SKAP1: variants seen among roughly 807,000 people sequenced by gnomAD.
The protein encoded by SKAP1 is src kinase-associated phosphoprotein 1.
Under a neutral mutation model 58.5 loss-of-function variants are expected in SKAP1, and 44 were observed. That is an observed-to-expected ratio of 0.75 (90% CI 0.59 to 0.97). The LOEUF (loss-of-function observed/expected upper bound fraction) is 0.97, where lower values mean the gene tolerates loss of function less well. SKAP1 is among the 50% of genes least tolerant of loss of function. The pLI is 0.00. For missense variants in SKAP1, 390 were observed against 435.2 expected (o/e 0.90, Z 0.92); for synonymous variants, 127 against 149.7 (o/e 0.85, Z 1.11).
chr17:48,178,167 G>A (rs1438994559), intron 9 of SKAP1, among the ~76,000 whole-genome samples: 1 of 152,130 alleles, frequency 6.6e-6, no homozygotes, highest in Non-Finnish European at 1.5e-5. Context: ...CTGGGGTAAG[G>A]TGACAGTCCC....
chr17:48,138,236 G>C (rs558064978), intron 11 of SKAP1, among the ~76,000 whole-genome samples: 1 of 151,070 alleles, frequency 6.6e-6, no homozygotes, highest in East Asian at 1.9e-4. Flanking sequence ...ACGGAGTCTC[G>C]CACTGTCGCC....
chr17:48,142,083 T>C (rs1483800636), intron 11 of SKAP1, among the ~76,000 whole-genome samples: 3 of 152,252 alleles, frequency 2.0e-5, no homozygotes, highest in African/African-American at 7.2e-5. Flanking sequence ...TGGAAAGTTC[T>C]GAGGACTGGA....
At chr17:48,316,018 C>G (rs764943883) in intron 4 of SKAP1, among the ~76,000 whole-genome samples, 5 of 152,130 alleles carry the variant, frequency 3.3e-5, no homozygotes, top group African/African-American at 1.2e-4. Context: ...TTCCTCCCAT[C>G]GCCTATGGAT....
chr17:48,414,783 G>A (rs1419134518), intron 1 of SKAP1, among the ~76,000 whole-genome samples: 3 of 152,134 alleles, frequency 2.0e-5, no homozygotes, highest in Non-Finnish European at 4.4e-5. Flanking sequence ...TGTAGAATTT[G>A]AAGGCCAGCT....
At chr17:48,321,347 CATTATTATTATTATTATTATT>C (rs59389347) in intron 4 of SKAP1, among the ~76,000 whole-genome samples, 86 of 137,564 alleles carry the variant, frequency 6.3e-4, no homozygotes, top group African/African-American at 1.6e-3. Context: ...CCTTCTGTCT[CATTATTATTATTATTATTATT>C]ATTATTATTA....
intron 2 of SKAP1, among the ~76,000 whole-genome samples, chr17:48,375,626 C>T (rs1020447115): frequency 6.6e-6 from 1 of 152,216 alleles, no homozygotes; most frequent in Non-Finnish European, 1.5e-5. Flanking sequence ...TATGTCTACA[C>T]AATCCCCATA....
chr17:48,346,082 T>TA, intron 3 of SKAP1, 76 bp from the exon 4 acceptor site: 2 of 821,478 alleles, frequency 2.4e-6, no homozygotes, highest in Non-Finnish European at 3.8e-6. Context: ...TATAAAAGGA[T>TA]CTATGTATGA....
At chr17:48,365,126 T>TTTTTG (rs1360990118) in intron 2 of SKAP1, among the ~76,000 whole-genome samples, 1 of 152,080 alleles carries the variant, frequency 6.6e-6, no homozygotes, top group Admixed American at 6.5e-5. Context: ...TTTGTTTTTG[T>TTTTTG]TTTTGTTTTT....
At chr17:48,429,588 C>G (rs945375340) in intron 1 of SKAP1, among the ~76,000 whole-genome samples, 3 of 152,192 alleles carry the variant, frequency 2.0e-5, no homozygotes, top group Non-Finnish European at 4.4e-5. Flanking sequence ...AAACTCACGT[C>G]AACCACCTGG....
the SKAP1 span, among the ~76,000 whole-genome samples, chr17:48,440,380 T>A: frequency 6.6e-6 from 1 of 152,138 alleles, no homozygotes; most frequent in African/African-American, 2.4e-5. Flanking sequence ...GGCTGCAGGA[T>A]GTAGAAGGTC....
At chr17:48,235,168 A>T (rs1344336002) in intron 4 of SKAP1, among the ~76,000 whole-genome samples, 2 of 152,196 alleles carry the variant, frequency 1.3e-5, no homozygotes, top group Non-Finnish European at 2.9e-5. Context: ...TATTTGGAAA[A>T]AGAGAGATGT....
intron 4 of SKAP1, among the ~76,000 whole-genome samples, chr17:48,326,141 G>C (rs1336267518): frequency 1.3e-5 from 2 of 152,194 alleles, no homozygotes; most frequent in African/African-American, 4.8e-5. Flanking sequence ...CCTTCCAGGG[G>C]TGTAAAGCAT....
At chr17:48,233,740 C>T (rs1440828507) in intron 4 of SKAP1, among the ~76,000 whole-genome samples, 1 of 151,990 alleles carries the variant, frequency 6.6e-6, no homozygotes, top group African/African-American at 2.4e-5. Context: ...CCTGTAATCC[C>T]AACTACTAGG....
chr17:48,357,980 C>T (rs1295292360), intron 3 of SKAP1, among the ~76,000 whole-genome samples: 1 of 152,126 alleles, frequency 6.6e-6, no homozygotes, highest in Non-Finnish European at 1.5e-5. Flanking sequence ...AGCCTGGGTT[C>T]ATTTCCCCCT....
upstream of SKAP1, among the ~76,000 whole-genome samples, chr17:48,433,635 G>C (rs557181936): frequency 2.0e-3 from 306 of 152,296 alleles, 2 homozygotes; most frequent in African/African-American, 7.1e-3. Context: ...CTTTGGAGCA[G>C]AGGCCATGAA....
At chr17:48,150,300 T>A (rs1477430143) in intron 11 of SKAP1, among the ~76,000 whole-genome samples, 1 of 152,190 alleles carries the variant, frequency 6.6e-6, no homozygotes, top group Non-Finnish European at 1.5e-5. Flanking sequence ...AGAGGATAAG[T>A]GATGACAAAA....
intron 4 of SKAP1, among the ~76,000 whole-genome samples, chr17:48,215,659 AT>A (rs906644905): frequency 0.028 from 4,168 of 149,988 alleles, 173 homozygotes; most frequent in African/African-American, 0.092. Flanking sequence ...CTTAACAGAA[AT>A]TTTTTTTTTT....
intron 2 of SKAP1, among the ~76,000 whole-genome samples, chr17:48,383,842 G>A (rs957560977): frequency 2.7e-5 from 4 of 150,516 alleles, no homozygotes; most frequent in Non-Finnish European, 5.9e-5. Context: ...TCAGCCTCCC[G>A]AGTAGCTAGG....
chr17:48,327,040 G>A (rs957675379), intron 4 of SKAP1, among the ~76,000 whole-genome samples: 5 of 151,932 alleles, frequency 3.3e-5, no homozygotes, highest in East Asian at 1.9e-4. Context: ...ATAGGCGTGC[G>A]CCACCATGCC....
Sources: allele counts gnomAD v4.1 joint callset (sites outside exome capture counted in the v4.1 genomes callset), GRCh38; gene constraint gnomAD v4.1.1; transcripts MANE v1.5; gene names NCBI Gene and HGNC (gene_info 2026-07-23, HGNC 2026-07-21).